The following LEKR1 variants were observed in gnomAD, a reference collection of about 807,000 sequenced individuals.
The protein encoded by LEKR1 is leucine, glutamate and lysine rich 1, also known as protein LEKR1.
Under a neutral mutation model 72.4 loss-of-function variants are expected in LEKR1, and 59 were observed. The observed-to-expected ratio is 0.82, with a 90% CI of 0.66 to 1.01. LEKR1 has a LOEUF of 1.01. Among genes scored for constraint, LEKR1 ranks in the 50% least tolerant of loss-of-function variants. The pLI is 0.00. For synonymous variants in LEKR1, 257 were observed against 263.2 expected (o/e 0.98, Z 0.23); for missense variants, 728 against 759.2 (o/e 0.96, Z 0.48).
At chr3:157,036,176 A>AAG (rs1033177337) in intron 12 of LEKR1, among the ~76,000 whole-genome samples, 7 of 152,214 alleles carry the variant, frequency 4.6e-5, no homozygotes, top group African/African-American at 1.7e-4. Flanking sequence ...CAGGGAGCAA[A>AAG]AGAGAGCTTA....
intron 1 of LEKR1, chr3:156,826,639 CCCT>C (rs1178231400): frequency 5.1e-5 from 8 of 155,454 alleles, no homozygotes; most frequent in Non-Finnish European, 8.7e-5. Flanking sequence ...CACCCCCGCA[CCCT>C]CCTCCTCCTC....
chr3:156,958,676 A>G (rs1212271874), intron 6 of LEKR1, among the ~76,000 whole-genome samples: 1 of 152,058 alleles, frequency 6.6e-6, no homozygotes, highest in Admixed American at 6.6e-5. Context: ...TTCAGCAAGT[A>G]TTTATTGGAC....
chr3:156,886,699 A>G (rs1576744855), intron 3 of LEKR1, among the ~76,000 whole-genome samples: 1 of 152,150 alleles, frequency 6.6e-6, no homozygotes, highest in African/African-American at 2.4e-5. Flanking sequence ...AAAACCTCCC[A>G]TGACCTGGAT....
At chr3:157,031,151 G>A (rs1041056111) in intron 12 of LEKR1, among the ~76,000 whole-genome samples, 8 of 152,146 alleles carry the variant, frequency 5.3e-5, no homozygotes, top group Admixed American at 5.2e-4. Context: ...ATTTTGGCAA[G>A]AGAAAATAGA....
intron 3 of LEKR1, among the ~76,000 whole-genome samples, chr3:156,860,393 A>G (rs1301276712): frequency 6.6e-6 from 1 of 152,116 alleles, no homozygotes; most frequent in Non-Finnish European, 1.5e-5. Flanking sequence ...ATCCACAGTA[A>G]TGTAGGCTTG....
intron 3 of LEKR1, among the ~76,000 whole-genome samples, chr3:156,899,646 A>G (rs1198058681): frequency 1.5e-5 from 2 of 133,190 alleles, no homozygotes; most frequent in African/African-American, 6.7e-5. Flanking sequence ...GCATATATAC[A>G]CATATATACA....
intron 11 of LEKR1, among the ~76,000 whole-genome samples, chr3:157,026,475 A>G (rs144694443): frequency 0.016 from 2,499 of 152,322 alleles, 38 homozygotes; most frequent in Non-Finnish European, 0.026. Flanking sequence ...CTCCTCTCCC[A>G]AAGATACTTT....
intron 3 of LEKR1, among the ~76,000 whole-genome samples, chr3:156,920,336 T>A (rs1417990205): frequency 1.3e-5 from 2 of 152,158 alleles, no homozygotes; most frequent in Non-Finnish European, 2.9e-5. Context: ...AGATAAAAAG[T>A]TCTGCCTCTC....
At chr3:156,890,900 C>T (rs1443995756) in intron 3 of LEKR1, among the ~76,000 whole-genome samples, 1 of 149,740 alleles carries the variant, frequency 6.7e-6, no homozygotes, top group African/African-American at 2.5e-5. Flanking sequence ...CACTCTGTCG[C>T]CCAGGCTGGA....
At chr3:156,916,058 A>G (rs1009408443) in intron 3 of LEKR1, among the ~76,000 whole-genome samples, 19 of 152,080 alleles carry the variant, frequency 1.2e-4, no homozygotes, top group African/African-American at 2.9e-4. Flanking sequence ...TTTGTCAAAG[A>G]TCAGATGGTT....
intron 4 of LEKR1, chr3:156,925,032 T>G (rs1724576161): frequency 6.6e-6 from 1 of 152,194 alleles, no homozygotes. Flanking sequence ...TGGGGAGAAT[T>G]TCTACCTTAA....
rs145963950 is a variant in LEKR1 at position 157,027,543 on chromosome 3, C to T, written c.1369-560C>T. On this transcript the variant is annotated intron_variant, in intron 11 of 12. Coordinates refer to ENST00000356539, the MANE Select transcript of LEKR1 (RefSeq NM_001004316.3). ...TCAAGACTTGAGCTGAGGCTGGGCACAGTGGCTCACAGCTGTAATCCCAGC... is the reference window on the plus strand; with the variant it reads ...TCAAGACTTGAGCTGAGGCTGGGCATAGTGGCTCACAGCTGTAATCCCAGC... Among the ~76,000 whole-genome samples the T allele has an allele frequency of 7.9e-5, 12 of 152,192 alleles. No individual in the cohort carries two copies. The East Asian group carries it at 2.1e-3, about 27-fold the overall frequency.
At chr3:156,845,251 C>G (rs552415870) in intron 2 of LEKR1, among the ~76,000 whole-genome samples, 3 of 151,546 alleles carry the variant, frequency 2.0e-5, no homozygotes, top group African/African-American at 7.3e-5. Flanking sequence ...TAGTAAGATA[C>G]GTGGTTTTCA....
chr3:156,976,752 G>A (rs932487230), intron 6 of LEKR1, among the ~76,000 whole-genome samples: 2 of 152,156 alleles, frequency 1.3e-5, no homozygotes, highest in Non-Finnish European at 2.9e-5. Flanking sequence ...TCAAGTGTGA[G>A]AGATATAAGA....
At chr3:156,839,630 G>A (rs1713626706) in intron 2 of LEKR1, among the ~76,000 whole-genome samples, 1 of 152,198 alleles carries the variant, frequency 6.6e-6, no homozygotes, top group Non-Finnish European at 1.5e-5. Context: ...GGAATTAGCA[G>A]AGGACAACTT....
intron 3 of LEKR1, among the ~76,000 whole-genome samples, chr3:156,860,744 T>C (rs2108541866): frequency 6.6e-6 from 1 of 152,244 alleles, no homozygotes; most frequent in Non-Finnish European, 1.5e-5. Flanking sequence ...CTATAGTAAG[T>C]GGCTTAAATG....
intron 5 of LEKR1, among the ~76,000 whole-genome samples, chr3:156,927,928 A>C (rs918316610): frequency 1.1e-4 from 16 of 151,974 alleles, no homozygotes; most frequent in African/African-American, 3.9e-4. Flanking sequence ...TATAGATAAC[A>C]ACTTTAATTC....
At chr3:156,992,287 G>T (rs1031463054) in intron 7 of LEKR1, among the ~76,000 whole-genome samples, 74 of 152,246 alleles carry the variant, frequency 4.9e-4, no homozygotes, top group African/African-American at 1.5e-3. Context: ...CTGCCCTCAG[G>T]CTTAAAATTA....
At chr3:156,891,692 AG>A (rs1359250830) in intron 3 of LEKR1, among the ~76,000 whole-genome samples, 1 of 152,172 alleles carries the variant, frequency 6.6e-6, no homozygotes, top group Admixed American at 6.5e-5. Context: ...TGGCTAGGAC[AG>A]GTGTTGAGGA....
Sources: gnomAD v4.1 joint callset for allele counts (sites outside exome capture counted in the v4.1 genomes callset) on GRCh38, gnomAD v4.1.1 for gene constraint, MANE v1.5 for transcripts, NCBI Gene and HGNC (gene_info 2026-07-23, HGNC 2026-07-21) for gene names.